Variants in CBFA2T3 observed in about 807,000 individuals in gnomAD.
CBFA2T3 encodes transcriptional corepressor CBFA2T3.
In CBFA2T3, 31 loss-of-function variants were observed where a neutral mutation model predicts 58.6. The observed-to-expected ratio is 0.53, with a 90% CI of 0.40 to 0.71. CBFA2T3 has a LOEUF of 0.71. CBFA2T3 is among the 30% of genes least tolerant of loss of function. CBFA2T3 has a pLI of 0.00. For synonymous variants in CBFA2T3, 531 were observed against 421.9 expected, an observed-to-expected ratio of 1.26 and a Z score of -3.17; for missense variants, 1,076 against 963.1, an observed-to-expected ratio of 1.12 and a Z score of -1.55.
chr16:88,899,814 C>T (rs1434025913), intron 2 of CBFA2T3, among the ~76,000 whole-genome samples: 3 of 152,178 alleles, frequency 2.0e-5, no homozygotes, highest in East Asian at 1.9e-4. Context: ...CCGGGTCTCC[C>T]GTGGTCCGTC....
In CBFA2T3 at chr16:88,876,838, AT is replaced by A. The variant is rs1327773326; in HGVS notation, c.*137del. 4.8e-6 allele frequency: 3 copies of A among 625,138 alleles called. No homozygotes were observed. In the African/African-American group the frequency reaches 5.9e-5, roughly 12 times the overall value. 38.7% of individuals were successfully genotyped at this position (625,138 alleles called of 1,614,324 possible). On this transcript the variant is annotated 3_prime_UTR_variant, in exon 12 of 12. Transcript: ENST00000268679. ...AGAGGGGCAGTAGCAGCAGTGACTA[AT>A]TGGTCGGCTCCCCCAGGTCAGGCGG... is the stretch of plus-strand genomic sequence containing the variant.
intron 5 of CBFA2T3, among the ~76,000 whole-genome samples, chr16:88,888,133 T>G (rs556681101): frequency 1.3e-5 from 2 of 151,958 alleles, no homozygotes; most frequent in South Asian, 4.2e-4. Context: ...GTGAGGGAGA[T>G]TCACCACCCC....
chr16:88,935,042 A>T (rs1259235341), intron 1 of CBFA2T3, among the ~76,000 whole-genome samples: 1 of 152,202 alleles, frequency 6.6e-6, no homozygotes, highest in African/African-American at 2.4e-5. Flanking sequence ...GCCTGGCCAG[A>T]AGGACGCATT....
intron 1 of CBFA2T3, among the ~76,000 whole-genome samples, chr16:88,971,723 C>T (rs530471430): frequency 6.6e-6 from 1 of 152,346 alleles, no homozygotes; most frequent in Admixed American, 6.5e-5. Context: ...CTCAGACAGG[C>T]CTCTCTTTTC....
intron 1 of CBFA2T3, among the ~76,000 whole-genome samples, chr16:88,967,198 CGAG>C: frequency 1.8e-5 from 2 of 113,048 alleles, no homozygotes; most frequent in Non-Finnish European, 3.8e-5. Context: ...GGCCCCGACA[CGAG>C]GCAGCGCCAT....
chr16:88,916,493 C>T (rs554888073), intron 1 of CBFA2T3, among the ~76,000 whole-genome samples: 2 of 152,080 alleles, frequency 1.3e-5, no homozygotes, highest in African/African-American at 2.4e-5. Context: ...TGTGTGTATT[C>T]GTGGGGTGGG....
chr16:88,919,993 T>C (rs1970859797), intron 1 of CBFA2T3, among the ~76,000 whole-genome samples: 1 of 152,260 alleles, frequency 6.6e-6, no homozygotes, highest in South Asian at 2.1e-4. Flanking sequence ...GCTCAATTAG[T>C]GCCAGTCTGT....
chr16:88,920,401 C>T (rs910845287), intron 1 of CBFA2T3, among the ~76,000 whole-genome samples: 3 of 152,010 alleles, frequency 2.0e-5, no homozygotes, highest in Non-Finnish European at 2.9e-5. Context: ...CTCAGCCTCC[C>T]GAGTAGCTGA....
chr16:88,879,762 T>G, intron 10 of CBFA2T3: 2 of 381,892 alleles, frequency 5.2e-6, no homozygotes. Context: ...AGTCAAAGCT[T>G]GCACTCTACC....
intron 1 of CBFA2T3, among the ~76,000 whole-genome samples, chr16:88,915,408 A>AC (rs1227059496): frequency 6.6e-4 from 8 of 12,170 alleles, no homozygotes; most frequent in East Asian, 2.4e-3. Flanking sequence ...GGGAGCGTGG[A>AC]GGGGGGAGCG....
chr16:88,880,610 T>G, intron 10 of CBFA2T3, 110 bp downstream of exon 10: 2 of 907,722 alleles, frequency 2.2e-6, no homozygotes, highest in Non-Finnish European at 3.4e-6. Context: ...CCTTGTAGCC[T>G]GAGCCCCCAG....
chr16:88,881,000 T>C (rs1969047175), intron 9 of CBFA2T3: 1 of 678,284 alleles, frequency 1.5e-6, no homozygotes, highest in Admixed American at 2.2e-5. Context: ...TGGACTCGGC[T>C]GGGAGCCGTG....
rs1196953262 is a variant in CBFA2T3 at position 88,891,961 on chromosome 16, A to T, written c.632T>A (p.Leu211Ter). 1 of 1,612,806 alleles carries T rather than the reference A, an allele frequency of 6.2e-7. No individual in the cohort carries two copies. Reference protein sequence around the residue: ...TLVLGLVNSTLTIEEFHSKLQ... With the variant: ...TLVLGLVNST Reference sequence around the variant, plus strand: ...CTTGGAATGAAACTCCTCGATCGTCAATGTCGAGTTCTGCAGGGGAGAAAA... The same window carrying T: ...CTTGGAATGAAACTCCTCGATCGTCTATGTCGAGTTCTGCAGGGGAGAAAA... Residue 211 changes from leucine to a stop codon, truncating the protein, a stop_gained, in exon 5 of 12, where the codon TTG becomes TAG. Coordinates refer to ENST00000268679, the MANE Select transcript of CBFA2T3 (RefSeq NM_005187.6). LOFTEE classifies it high-confidence loss of function.
At chr16:88,912,795 G>C (rs1970571931) in intron 1 of CBFA2T3, among the ~76,000 whole-genome samples, 2 of 152,214 alleles carry the variant, frequency 1.3e-5, no homozygotes, top group South Asian at 4.1e-4. Context: ...CTGCAGGACA[G>C]AGCCTGGGCT....
chr16:88,893,129 G>A (rs913012616), intron 3 of CBFA2T3, among the ~76,000 whole-genome samples: 6 of 152,058 alleles, frequency 3.9e-5, no homozygotes, highest in Non-Finnish European at 7.4e-5. Flanking sequence ...CTGGCATGAT[G>A]TTCCCAAGCA....
chr16:88,908,199 G>A (rs370643660), intron 1 of CBFA2T3, among the ~76,000 whole-genome samples: 31 of 152,280 alleles, frequency 2.0e-4, no homozygotes, highest in African/African-American at 6.7e-4. Context: ...AAAATTAGCC[G>A]AGCGTAGTGG....
At chr16:88,934,486 A>T (rs1971430546) in intron 1 of CBFA2T3, among the ~76,000 whole-genome samples, 1 of 152,172 alleles carries the variant, frequency 6.6e-6, no homozygotes, top group African/African-American at 2.4e-5. Context: ...TCAGCCACAC[A>T]CCTGGCCGGC....
rs117439727 is a variant in CBFA2T3, at chr16:88,966,985, G to A, written c.151+9672C>T. 4.3e-3 allele frequency among the ~76,000 whole-genome samples: 658 copies of A among 152,316 alleles called. 4 individuals are homozygous for A. The highest frequency in any genetic ancestry group is 6.3e-3 in the Non-Finnish European group (430 of 68,014). On this transcript the variant is annotated intron_variant, in intron 1 of 11. Transcript: ENST00000268679. ...CTTGTGTTTGCCTTGGAGAAACCAT[G>A]TGGGCCCCAGGGGACGAGGGAAAGC...
intron 1 of CBFA2T3, among the ~76,000 whole-genome samples, chr16:88,932,849 A>G (rs1369908375): frequency 6.7e-6 from 1 of 149,064 alleles, no homozygotes; most frequent in African/African-American, 2.5e-5. Context: ...TGTGGCTGTA[A>G]TCCCAGCTAC....
Sources: allele counts gnomAD v4.1 joint callset (sites outside exome capture counted in the v4.1 genomes callset), GRCh38; gene constraint gnomAD v4.1.1; transcripts MANE v1.5; gene names NCBI Gene and HGNC (gene_info 2026-07-23, HGNC 2026-07-21).